Variants in CNTLN observed in about 807,000 individuals in gnomAD.
CNTLN encodes the protein centlein, centrosomal protein.
Under a neutral mutation model 180.0 loss-of-function variants are expected in CNTLN, and 212 were observed. The ratio of observed to expected loss-of-function variants is 1.18; its 90% CI spans 1.05 to 1.32. The LOEUF (loss-of-function observed/expected upper bound fraction) is 1.32. Among genes scored for constraint, CNTLN ranks in the 40% most tolerant of loss-of-function variants. The pLI is 0.00. For synonymous variants in CNTLN, 722 were observed against 563.1 expected, an observed-to-expected ratio of 1.28 and a Z score of -3.99; for missense variants, 2,095 against 1,610.9, an observed-to-expected ratio of 1.30 and a Z score of -5.14.
intron 2 of CNTLN, among the ~76,000 whole-genome samples, chr9:17,213,742 G>A (rs537845396): frequency 6.6e-6 from 1 of 152,284 alleles, no homozygotes; most frequent in Admixed American, 6.5e-5. Context: ...GGGTGCTCCT[G>A]TATTGGGTGC....
At chr9:17,440,820 G>A (rs1042162186) in intron 18 of CNTLN, among the ~76,000 whole-genome samples, 2 of 152,102 alleles carry the variant, frequency 1.3e-5, no homozygotes, top group Non-Finnish European at 2.9e-5. Context: ...ATATTGCTGA[G>A]TGGAAGAAGC....
At chr9:17,349,383 A>G (rs940919008) in intron 12 of CNTLN, among the ~76,000 whole-genome samples, 1 of 152,096 alleles carries the variant, frequency 6.6e-6, no homozygotes, top group East Asian at 1.9e-4. Flanking sequence ...TTCTGCAATA[A>G]TGTTTCTTTT....
chr9:17,322,392 C>G (rs1819979901), intron 8 of CNTLN, among the ~76,000 whole-genome samples: 1 of 152,008 alleles, frequency 6.6e-6, no homozygotes, highest in African/African-American at 2.4e-5. Flanking sequence ...TCATTCAACT[C>G]CACTATCCTG....
At chr9:17,381,530 C>T (rs1448134641) in intron 13 of CNTLN, among the ~76,000 whole-genome samples, 4 of 152,214 alleles carry the variant, frequency 2.6e-5, no homozygotes, top group African/African-American at 7.2e-5. Context: ...TTACCATTTT[C>T]TCAGCATCCT....
At chr9:17,182,637 T>A (rs1821190294) in intron 2 of CNTLN, among the ~76,000 whole-genome samples, 1 of 151,814 alleles carries the variant, frequency 6.6e-6, no homozygotes, top group African/African-American at 2.4e-5. Flanking sequence ...CTCTTTAGAG[T>A]AAGATTAAAA....
the CNTLN span, among the ~76,000 whole-genome samples, chr9:17,521,420 T>G: frequency 6.6e-5 from 10 of 152,300 alleles, 1 homozygote; most frequent in East Asian, 1.2e-3. Flanking sequence ...GAAATGTGAT[T>G]TAGCTTGTTC....
At chr9:17,302,505 A>C (rs1200179915) in intron 7 of CNTLN, among the ~76,000 whole-genome samples, 2 of 151,988 alleles carry the variant, frequency 1.3e-5, no homozygotes, top group African/African-American at 4.8e-5. Flanking sequence ...GGCCCAATTC[A>C]CTTTTAATTA....
At chr9:17,382,853 C>T (rs1825367228) in intron 13 of CNTLN, among the ~76,000 whole-genome samples, 1 of 152,116 alleles carries the variant, frequency 6.6e-6, no homozygotes, top group Admixed American at 6.5e-5. Flanking sequence ...TGAAAATTAG[C>T]CCCTGCCTAC....
rs113676933 is a variant in CNTLN at position 17,415,628 on chromosome 9, T to C, written c.2797-160T>C. Among the ~76,000 whole-genome samples the C allele has an allele frequency of 9.7e-3, 1,477 of 152,210 alleles. 30 individuals carry two copies. Among genetic ancestry groups the C allele is most frequent in the African/African-American group, 0.034 (1,419 of 41,522 alleles). ...TCTGTTGCCCAGGCTGGTCTCAAAC[T>C]CCTGGCCTCAAGCAGTCCTCCTGCC... On this transcript the variant is annotated intron_variant, in intron 16 of 25. Coordinates refer to ENST00000380647, the MANE Select transcript of CNTLN (RefSeq NM_017738.4).
chr9:17,204,982 C>A (rs1451510746), intron 2 of CNTLN, among the ~76,000 whole-genome samples: 1 of 152,200 alleles, frequency 6.6e-6, no homozygotes, highest in Non-Finnish European at 1.5e-5. Context: ...CTCCTTAGCA[C>A]TGTCAGGGAA....
At chr9:17,368,804 C>G (rs1824057627) in intron 13 of CNTLN, among the ~76,000 whole-genome samples, 1 of 152,198 alleles carries the variant, frequency 6.6e-6, no homozygotes. Context: ...GGGGTGCCCA[C>G]TAATGCAGAT....
intron 8 of CNTLN, among the ~76,000 whole-genome samples, chr9:17,326,887 T>A (rs995092355): frequency 1.3e-5 from 2 of 152,096 alleles, no homozygotes; most frequent in Admixed American, 1.3e-4. Flanking sequence ...AAAGGAGCTC[T>A]AGGAGATATA....
At chr9:17,443,075 A>AT (rs1339799706) in intron 18 of CNTLN, among the ~76,000 whole-genome samples, 1 of 151,732 alleles carries the variant, frequency 6.6e-6, no homozygotes, top group African/African-American at 2.4e-5. Context: ...TACTTAAAGA[A>AT]GTTAGATGCA....
chr9:17,314,164 A>T (rs1160412866), intron 8 of CNTLN, among the ~76,000 whole-genome samples: 1 of 152,212 alleles, frequency 6.6e-6, no homozygotes, highest in African/African-American at 2.4e-5. Flanking sequence ...TATGTGAATT[A>T]TTCTGCAAAT....
chr9:17,440,838 A>G (rs1041306277), intron 18 of CNTLN, among the ~76,000 whole-genome samples: 1 of 152,210 alleles, frequency 6.6e-6, no homozygotes, highest in African/African-American at 2.4e-5. Context: ...AGCTAATAAT[A>G]AAAGACCATA....
rs148045115 is a variant in CNTLN at position 17,301,941 on chromosome 9, A to G, written c.1146+3589A>G. ...TATATTTTAAAAAATCATAACATAT[A>G]ACTATTTTAGATGGTCATATAATTT... is the stretch of plus-strand genomic sequence containing the variant. On this transcript the variant is annotated intron_variant, in intron 7 of 25. Transcript: ENST00000380647. The G allele has an allele frequency of 2.3e-5, 21 of 926,860 alleles. No homozygotes were observed. The African/African-American group carries it at 3.6e-4, about 16-fold the overall frequency. The allele number at this position is 926,860 out of a possible 1,614,324, so 57.4% of individuals were successfully genotyped here. A position where few individuals can be genotyped will look rare whatever the true frequency, so the allele number is the denominator to read the frequency against.
chr9:17,469,863 T>C (rs1317604706), intron 23 of CNTLN, among the ~76,000 whole-genome samples: 1 of 151,958 alleles, frequency 6.6e-6, no homozygotes, highest in Non-Finnish European at 1.5e-5. Context: ...GACTTCAGGA[T>C]CGTGACTGAT....
At chr9:17,299,784 T>C (rs1818219037) in intron 7 of CNTLN, 2 of 984,380 alleles carry the variant, frequency 2.0e-6, no homozygotes, top group South Asian at 4.7e-5. Flanking sequence ...TTAATTGTTT[T>C]CTCTTTTTCC....
intron 2 of CNTLN, among the ~76,000 whole-genome samples, chr9:17,150,448 A>T (rs1285166545): frequency 6.6e-6 from 1 of 152,178 alleles, no homozygotes; most frequent in Non-Finnish European, 1.5e-5. Context: ...TTTGTCAAAG[A>T]TCAGATGGTT....
Sources: gnomAD v4.1 joint callset for allele counts (sites outside exome capture counted in the v4.1 genomes callset) on GRCh38, gnomAD v4.1.1 for gene constraint, MANE v1.5 for transcripts, NCBI Gene and HGNC (gene_info 2026-07-23, HGNC 2026-07-21) for gene names.